The following ERF variants were observed in gnomAD, a reference collection of about 807,000 sequenced individuals.
ERF encodes the protein ETS2 repressor factor.
Under a neutral mutation model 41.6 loss-of-function variants are expected in ERF, and 10 were observed. That is an observed-to-expected ratio of 0.24 (90% CI 0.15 to 0.41). The LOEUF (loss-of-function observed/expected upper bound fraction) is 0.41. Among genes scored for constraint, ERF ranks in the 10% least tolerant of loss-of-function variants. The pLI, the probability that ERF is intolerant of heterozygous loss-of-function variation, is 1.00. For missense variants in ERF, 621 were observed against 763.2 expected, an observed-to-expected ratio of 0.81 and a Z score of 2.19; for synonymous variants, 395 against 342.4, an observed-to-expected ratio of 1.15 and a Z score of -1.70.
intron 1 of ERF, among the ~76,000 whole-genome samples, chr19:42,253,512 G>C (rs777522799): frequency 9.2e-5 from 14 of 152,130 alleles, no homozygotes; most frequent in Non-Finnish European, 1.5e-4. Context: ...GTAGCAGGGA[G>C]AGAAGATGAA....
In ERF at chr19:42,248,342, A is replaced by C; in HGVS notation, c.*123T>G. On this transcript the variant is annotated 3_prime_UTR_variant, in exon 4 of 4. Transcript: ENST00000222329. This position sits in a 1 kb window ranked among gnomAD's most constrained non-coding sequence, Gnocchi z 4.2. ...TTAAAGTTTTATACAAAATGTGGGG[A>C]GGGAAAAGGGAGGAGGCAGGGAAGA... is the stretch of plus-strand genomic sequence containing the variant. 31 of 585,786 alleles carry C rather than the reference A, an allele frequency of 5.3e-5. No homozygotes were observed. The highest frequency in any genetic ancestry group is 1.1e-4 in the South Asian group (2 of 18,082). 36.3% of individuals were successfully genotyped at this position (585,786 alleles called of 1,614,324 possible). A position where few individuals can be genotyped will look rare whatever the true frequency, so the allele number is the denominator to read the frequency against.
Position 42,255,068 on chromosome 19 carries a change from C to T in ERF, c.-69G>A, listed in dbSNP as rs1267196709. On this transcript the variant is annotated 5_prime_UTR_variant, in exon 1 of 4. Coordinates refer to ENST00000222329, the MANE Select transcript of ERF (RefSeq NM_006494.4). ...TCCCGGCGCCCTCGCTGCCCCGTCC[C>T]GTCCCGCGCCCGTCGGGCCGCCCTC... The T allele has an allele frequency of 2.4e-6, 3 of 1,246,698 alleles. No homozygotes were observed. Among genetic ancestry groups the T allele is most frequent in the South Asian group, 3.6e-5 (1 of 27,956 alleles). 77.2% of individuals were successfully genotyped at this position (1,246,698 alleles called of 1,614,324 possible).
chr19:42,248,991 G>T lies in ERF; in HGVS notation c.1121C>A (p.Pro374Gln). The T allele has an allele frequency of 6.2e-7, 1 of 1,608,912 alleles. No individual in the cohort carries two copies. Among genetic ancestry groups the T allele is most frequent in the Non-Finnish European group, 8.5e-7 (1 of 1,179,368 alleles). The change falls in exon 4 of 4, where the codon CCA becomes CAA. Residue 374 changes from proline (P) to glutamine (Q), a missense_variant. This residue lies in a region of ERF where 569 missense variants were observed against 625.5 expected (regional missense o/e 0.91). Transcript: ENST00000222329. The surrounding 1 kb of genome is among the most constrained non-coding windows in gnomAD (Gnocchi z 4.2). ...ASSSSSSSSS[P>Q]FKFKLQPPPL... The stretch of plus-strand genomic sequence containing the variant: ...GGGCGGCTGGAGCTTAAACTTGAAT[G>T]GGGAGGAAGAAGAAGAAGAGGATGA...
At chr19:42,252,243 T>C (rs1443621973) in intron 1 of ERF, among the ~76,000 whole-genome samples, 1 of 152,170 alleles carries the variant, frequency 6.6e-6, no homozygotes, top group East Asian at 1.9e-4. Flanking sequence ...AGCTCCATGT[T>C]ACTTCCACCT....
At position 42,249,819 on chromosome 19, in the gene ERF, G is replaced by C; in HGVS notation, c.373+8C>G. On this transcript the variant is annotated splice_region_variant and intron_variant, in intron 3 of 3. Transcript: ENST00000222329. The surrounding 1 kb of genome is among the most constrained non-coding windows in gnomAD (Gnocchi z 8.6). The stretch of plus-strand genomic sequence containing the variant: ...ACCCTCTCCACACCAACCATCCCTG[G>C]TACTCACCAGCCAACCCCACATCAA... The C allele has an allele frequency of 6.2e-7, 1 of 1,614,130 alleles. No individual in the cohort carries two copies. The highest frequency in any genetic ancestry group is 8.5e-7 in the Non-Finnish European group (1 of 1,180,012).
chr19:42,249,406 G>A lies in ERF; in HGVS notation c.706C>T (p.Pro236Ser), dbSNP rs1371131478. The A allele has an allele frequency of 8.9e-6, 14 of 1,580,678 alleles. No homozygotes were observed. The highest frequency in any genetic ancestry group is 1.7e-4 in the Middle Eastern group (1 of 5,954). The change falls in exon 4 of 4, where the codon CCC (proline) becomes TCC (serine). Residue 236 changes from proline to serine, a missense_variant. This residue lies in a region of ERF where 569 missense variants were observed against 625.5 expected (regional missense o/e 0.91). Transcript: ENST00000222329. The surrounding 1 kb of genome is among the most constrained non-coding windows in gnomAD (Gnocchi z 8.6). ...GGTTCAGGGCCACCCCGAGGCCGGG[G>A]ATAGACTCGGAAGACACCAGGGTCA... Reference protein sequence around the residue: ...PHDPGVFRVYPRPRGGPEPLS... With the variant: ...PHDPGVFRVYSRPRGGPEPLS...
At chr19:42,254,697 T>G in intron 1 of ERF, 1 of 304,744 alleles carries the variant, frequency 3.3e-6, no homozygotes, top group East Asian at 5.5e-5. Context: ...GCCACCCCCG[T>G]GATCCCGGGA....
rs764548535 is a variant in ERF at position 42,255,041 on chromosome 19, G to C, written c.-42C>G. 5.7e-5 allele frequency: 78 copies of C among 1,360,934 alleles called. No homozygotes were observed. Among genetic ancestry groups the C allele is most frequent in the Middle Eastern group, 2.5e-4 (1 of 4,046 alleles). The allele number at this position is 1,360,934 out of a possible 1,614,324, so 84.3% of individuals were successfully genotyped here. ...CGAAGCGCCCCGATTCCGGGCCGCG[G>C]CTCCCGGCGCCCTCGCTGCCCCGTC... On this transcript the variant is annotated 5_prime_UTR_variant, in exon 1 of 4. Transcript: ENST00000222329.
chr19:42,251,070 G>A (rs2036437316), intron 1 of ERF, among the ~76,000 whole-genome samples: 1 of 150,944 alleles, frequency 6.6e-6, no homozygotes, highest in African/African-American at 2.4e-5. Flanking sequence ...CTGAGAGGAA[G>A]ATTTTTTTTT....
Position 42,248,851 on chromosome 19 carries a change from G to C in ERF, c.1261C>G (p.Pro421Ala), listed in dbSNP as rs1599820391. Residue 421 changes from proline to alanine, a missense_variant, in exon 4 of 4, where the codon CCG (proline) becomes GCG (alanine). Physicochemically the swap from Pro to Ala is conservative, Grantham distance 27. Coordinates refer to ENST00000222329, the MANE Select transcript of ERF (RefSeq NM_006494.4). This position sits in a 1 kb window ranked among gnomAD's most constrained non-coding sequence, Gnocchi z 4.2. Reference protein sequence around the residue: ...EGAGALAPPPPPPQIKVEPIS... With the variant: ...EGAGALAPPPAPPQIKVEPIS... ...GGCTCCACCTTGATCTGTGGTGGCGGGGGCGGTGGGGCTAGCGCCCCTGCC... is the reference window on the plus strand; with the variant it reads ...GGCTCCACCTTGATCTGTGGTGGCGCGGGCGGTGGGGCTAGCGCCCCTGCC... 6.2e-7 allele frequency: 1 copy of C among 1,610,472 alleles called. No individual in the cohort carries two copies. The highest frequency in any genetic ancestry group is 8.5e-7 in the Non-Finnish European group (1 of 1,179,016).
chr19:42,251,845 G>A (rs1360690533), intron 1 of ERF, among the ~76,000 whole-genome samples: 1 of 152,014 alleles, frequency 6.6e-6, no homozygotes, highest in Non-Finnish European at 1.5e-5. Context: ...CAAATCCAGA[G>A]CTCACTGTAG....
chr19:42,254,221 AG>A (rs899611835), intron 1 of ERF, among the ~76,000 whole-genome samples: 2 of 137,114 alleles, frequency 1.5e-5, no homozygotes, highest in Non-Finnish European at 3.2e-5. Context: ...TGGATCCGGG[AG>A]GGGGGGCGAG....
At position 42,247,636 on chromosome 19, in the gene ERF, A is replaced by T. The variant is rs924820501; in HGVS notation, c.*829T>A. On this transcript the variant is annotated 3_prime_UTR_variant, in exon 4 of 4. Transcript: ENST00000222329. ...CGGCCCCTCTACTCCCCCCACCCTC[A>T]GTCCCCAATACAGAATAAGGCTTGA... 2.1e-5 allele frequency: 3 copies of T among 141,334 alleles called. No homozygotes were observed. Among genetic ancestry groups the T allele is most frequent in the African/African-American group, 8.1e-5 (3 of 37,148 alleles). 8.8% of individuals were successfully genotyped at this position (141,334 alleles called of 1,614,324 possible).
Position 42,248,426 on chromosome 19 carries a change from TG to T in ERF, c.*38del. On this transcript the variant is annotated 3_prime_UTR_variant, in exon 4 of 4. Transcript: ENST00000222329. The surrounding 1 kb of genome is among the most constrained non-coding windows in gnomAD (Gnocchi z 4.2). ...GGGGCTTAAGGCAGCAAAAGAAGCA[TG>T]GGGGGTGCGGGGCACACAGGTCCCC... 4 of 1,429,924 alleles carry T rather than the reference TG, an allele frequency of 2.8e-6. No individual in the cohort carries two copies. The highest frequency in any genetic ancestry group is 1.7e-5 in the South Asian group (1 of 58,532). 88.6% of individuals were successfully genotyped at this position (1,429,924 alleles called of 1,614,324 possible). A position where few individuals can be genotyped will look rare whatever the true frequency, so the allele number is the denominator to read the frequency against.
rs551775686 is a variant in ERF at position 42,249,485 on chromosome 19, G to A, written c.627C>T (p.Pro209=). ...GGAAGGCACCCAGATCCGGAGGGCCGGGTGGTCGGGCGCGGGGATCCTCTC... is the reference window on the plus strand; with the variant it reads ...GGAAGGCACCCAGATCCGGAGGGCCAGGTGGTCGGGCGCGGGGATCCTCTC... ...PLGEDPRARP[P]GPPDLGAFRG... The change falls in exon 4 of 4, where the codon CCC becomes CCT. Residue 209 remains proline (P), a synonymous_variant. Coordinates refer to ENST00000222329, the MANE Select transcript of ERF (RefSeq NM_006494.4). This position sits in a 1 kb window ranked among gnomAD's most constrained non-coding sequence, Gnocchi z 8.6. 3.7e-5 allele frequency: 60 copies of A among 1,609,412 alleles called. 1 individual carries two copies. The highest frequency in any genetic ancestry group is 2.0e-4 in the South Asian group (18 of 90,706).
At position 42,249,845 on chromosome 19, in the gene ERF, T is replaced by C. The variant is rs1256078218; in HGVS notation, c.355A>G (p.Ile119Val). ...NKLVLVNYPF[I>V]DVGLAGGAVP... ...TACTCACCAGCCAACCCCACATCAA[T>C]GAATGGGTAATTGACCAGCACCAGT... Residue 119 changes from isoleucine to valine, a missense_variant, in exon 3 of 4, where the codon ATT becomes GTT. Ile to Val is a conservative substitution (Grantham distance 29). Around this residue, in one of 3 missense-constraint regions of ERF, gnomAD observed 569 missense variants for 625.5 expected, o/e 0.91. Coordinates refer to ENST00000222329, the MANE Select transcript of ERF (RefSeq NM_006494.4). This position sits in a 1 kb window ranked among gnomAD's most constrained non-coding sequence, Gnocchi z 8.6. 1.9e-6 allele frequency: 3 copies of C among 1,614,110 alleles called. No individual in the cohort carries two copies. The highest frequency in any genetic ancestry group is 1.1e-5 in the South Asian group (1 of 91,076).
At chr19:42,252,896 T>C (rs1339841335) in intron 1 of ERF, among the ~76,000 whole-genome samples, 1 of 151,914 alleles carries the variant, frequency 6.6e-6, no homozygotes, top group East Asian at 1.9e-4. Flanking sequence ...CGGAGGAAGC[T>C]TGGGGGTGCG....
chr19:42,254,744 A>C, intron 1 of ERF: 1 of 401,058 alleles, frequency 2.5e-6, no homozygotes, highest in Non-Finnish European at 4.4e-6. Context: ...CCCGGTAGGG[A>C]TACAGGACCA....
chr19:42,248,572 G>C lies in ERF; in HGVS notation c.1540C>G (p.Arg514Gly). The change falls in exon 4 of 4, where the codon CGT (arginine) becomes GGT (glycine). Residue 514 changes from arginine (R) to glycine (G), a missense_variant. By Grantham distance (125) the Arg-to-Gly change is moderately radical. Transcript: ENST00000222329. The surrounding 1 kb of genome is among the most constrained non-coding windows in gnomAD (Gnocchi z 4.2). ...CCAGCCTCCCCAGGCCCCTCCCCAC[G>C]CACCTTCTTGTCCTCACCCTCATCC... Reference protein sequence around the residue: ...FEDEGEDKKVRGEGPGEAGGP... With the variant: ...FEDEGEDKKVGGEGPGEAGGP... The C allele has an allele frequency of 1.3e-6, 2 of 1,572,016 alleles. No homozygotes were observed. The highest frequency in any genetic ancestry group is 1.4e-5 in the African/African-American group (1 of 73,496).
Sources: gnomAD v4.1 joint callset for allele counts (sites outside exome capture counted in the v4.1 genomes callset) on GRCh38, gnomAD v4.1.1 for gene constraint, gnomAD v4.1.1 regional missense constraint, Gnocchi (gnomAD v3.1) non-coding constraint, MANE v1.5 for transcripts, NCBI Gene and HGNC (gene_info 2026-07-23, HGNC 2026-07-21) for gene names.